Variants in GRB14 observed in about 807,000 individuals in gnomAD.
The protein encoded by GRB14 is growth factor receptor bound protein 14, also known as growth factor receptor-bound protein 14.
Under a neutral mutation model 69.1 loss-of-function variants are expected in GRB14, and 38 were observed. The observed-to-expected ratio is 0.55, with a 90% CI of 0.42 to 0.72. The LOEUF (loss-of-function observed/expected upper bound fraction) is 0.72, where lower values mean the gene tolerates loss of function less well. Among genes scored for constraint, GRB14 ranks in the 30% least tolerant of loss-of-function variants. The pLI is 0.00. For synonymous variants in GRB14, 247 were observed against 241.3 expected (o/e 1.02, Z -0.22); for missense variants, 666 against 666.1 (o/e 1.00, Z 0.00).
chr2:164,598,830 A>G (rs562508377), intron 2 of GRB14, among the ~76,000 whole-genome samples: 18 of 152,296 alleles, frequency 1.2e-4, no homozygotes, highest in African/African-American at 3.8e-4. Context: ...ATGTTCTCCA[A>G]GTTTCCTTCC....
At chr2:164,547,859 TTG>T in intron 2 of GRB14, 43 bp from the exon 3 acceptor site, 1 of 1,429,336 alleles carries the variant, frequency 7.0e-7, no homozygotes, top group Non-Finnish European at 9.6e-7. Flanking sequence ...ATATTCCTGT[TTG>T]TGTTTTTAAT....
chr2:164,496,595 C>T (rs992583544), intron 12 of GRB14, among the ~76,000 whole-genome samples: 3 of 151,376 alleles, frequency 2.0e-5, no homozygotes, highest in Non-Finnish European at 4.4e-5. Context: ...ATACATGTTG[C>T]ATCATACCTA....
Position 164,525,015 on chromosome 2 carries a change from G to C in GRB14, c.667C>G (p.Gln223Glu), listed in dbSNP as rs1201017620. 6.4e-7 allele frequency: 1 copy of C among 1,574,108 alleles called. No homozygotes were observed. Among genetic ancestry groups the C allele is most frequent in the Non-Finnish European group, 8.7e-7 (1 of 1,151,860 alleles). ...AAAATATATTTTACCTGCAAAATCT[G>C]TGTGGGGGATATTTCACCATTGGTT... is the stretch of plus-strand genomic sequence containing the variant. ...TETNGEISPTQILQMFLSSST... is the reference protein window; with the variant it reads ...TETNGEISPTEILQMFLSSST... The change falls in exon 5 of 14, where the codon CAG becomes GAG. Residue 223 changes from glutamine (Q) to glutamate (E), a missense_variant. By Grantham distance (29) the Gln-to-Glu change is conservative. Coordinates refer to ENST00000263915, the MANE Select transcript of GRB14 (RefSeq NM_004490.3).
chr2:164,581,660 G>A (rs904156833), intron 2 of GRB14, among the ~76,000 whole-genome samples: 7 of 152,188 alleles, frequency 4.6e-5, no homozygotes, highest in Admixed American at 1.3e-4. Context: ...CCAAAACTCT[G>A]AGATAAATAT....
At chr2:164,513,331 C>T (rs1326592946) in intron 6 of GRB14, among the ~76,000 whole-genome samples, 1 of 152,024 alleles carries the variant, frequency 6.6e-6, no homozygotes, top group African/African-American at 2.4e-5. Context: ...TGCCCTAATA[C>T]CAGGAAATTA....
intron 6 of GRB14, among the ~76,000 whole-genome samples, chr2:164,510,569 T>C (rs573360275): frequency 6.6e-6 from 1 of 152,250 alleles, no homozygotes; most frequent in African/African-American, 2.4e-5. Flanking sequence ...AGAAATGCCA[T>C]ATGTGACATT....
chr2:164,525,225 A>C, intron 4 of GRB14, 147 bp from the exon 5 acceptor site: 1 of 667,166 alleles, frequency 1.5e-6, no homozygotes, highest in Admixed American at 2.8e-5. Flanking sequence ...CCGTCCTTAG[A>C]CTCTACTCAT....
intron 2 of GRB14, among the ~76,000 whole-genome samples, chr2:164,609,879 C>G (rs1163477396): frequency 6.6e-6 from 1 of 152,186 alleles, no homozygotes. Flanking sequence ...AATATTTCAA[C>G]ACTGGTCAAA....
At chr2:164,494,606 T>C (rs755748861) in intron 12 of GRB14, 82 bp from the exon 13 acceptor site, 80 of 824,262 alleles carry the variant, frequency 9.7e-5, no homozygotes, top group Non-Finnish European at 1.5e-4. Context: ...ATCCAAGAAG[T>C]GTATGCATAA....
chr2:164,541,429 G>A (rs535541100), intron 3 of GRB14, among the ~76,000 whole-genome samples: 58 of 151,666 alleles, frequency 3.8e-4, no homozygotes, highest in Admixed American at 1.8e-3. Context: ...CCAAGATTGC[G>A]CCATTGCACT....
chr2:164,545,624 G>T (rs1314299479), intron 3 of GRB14, among the ~76,000 whole-genome samples: 2 of 152,158 alleles, frequency 1.3e-5, no homozygotes, highest in Non-Finnish European at 2.9e-5. Context: ...TCCAAAATGT[G>T]AGAATAAATT....
At chr2:164,592,891 T>C (rs1314612893) in intron 2 of GRB14, among the ~76,000 whole-genome samples, 1 of 152,212 alleles carries the variant, frequency 6.6e-6, no homozygotes, top group Admixed American at 6.5e-5. Context: ...TCTGCCTCCA[T>C]GCCCTTACCT....
intron 2 of GRB14, among the ~76,000 whole-genome samples, chr2:164,548,802 T>G (rs1688452179): frequency 6.6e-6 from 1 of 152,200 alleles, no homozygotes; most frequent in Non-Finnish European, 1.5e-5. Flanking sequence ...TGCATTTACC[T>G]GATGATTGGT....
rs1373058831 is a variant in GRB14, at chr2:164,573,934, AC to A, written c.325-26119del. The A allele has an allele frequency of 1.5e-5, 24 of 1,612,772 alleles. 1 individual carries two copies. The highest frequency in any genetic ancestry group is 2.0e-5 in the Non-Finnish European group (24 of 1,179,576). ...TGGTTATGGGTAACAATGCAGTCTC[AC>A]CCTATCAGCAAGTGATTGAAAAGAC... On this transcript the variant is annotated intron_variant, in intron 2 of 13. Transcript: ENST00000263915.
intron 2 of GRB14, among the ~76,000 whole-genome samples, chr2:164,555,181 A>G (rs1688646838): frequency 6.6e-6 from 1 of 152,212 alleles, no homozygotes; most frequent in Admixed American, 6.5e-5. Context: ...GCTGACTCCA[A>G]GGAATGGGAT....
rs372841700 is a variant in GRB14 at position 164,493,170 on chromosome 2, C to T, written c.1489G>A (p.Gly497Ser). The T allele has an allele frequency of 1.6e-5, 26 of 1,611,880 alleles. No homozygotes were observed. The highest frequency in any genetic ancestry group is 1.4e-5 in the Non-Finnish European group (17 of 1,179,024). ...HFQIIPVEDD[G>S]EMFHTLDDGH... ...TCATCCAGTGTGTGGAACATTTCAC[C>T]GTCATCTTCTACCTGCAAAAAGAAA... Residue 497 changes from glycine to serine, a missense_variant, in exon 14 of 14, where the codon GGT becomes AGT. Gly to Ser is a moderately conservative substitution (Grantham distance 56). Coordinates refer to ENST00000263915, the MANE Select transcript of GRB14 (RefSeq NM_004490.3).
intron 8 of GRB14, among the ~76,000 whole-genome samples, chr2:164,505,722 T>C (rs140705819): frequency 6.1e-4 from 93 of 152,308 alleles, no homozygotes; most frequent in African/African-American, 2.2e-3. Flanking sequence ...CATCTGAGTG[T>C]ATACAAACAA....
intron 2 of GRB14, among the ~76,000 whole-genome samples, chr2:164,567,052 T>A (rs1369537168): frequency 2.0e-5 from 3 of 152,142 alleles, no homozygotes; most frequent in Non-Finnish European, 4.4e-5. Flanking sequence ...ATAGACTTGA[T>A]AAATGTTAAT....
chr2:164,608,637 G>A (rs1246000586), intron 2 of GRB14, among the ~76,000 whole-genome samples: 3 of 151,722 alleles, frequency 2.0e-5, no homozygotes, highest in Admixed American at 6.6e-5. Context: ...GAGTTCTGGG[G>A]AGTATGATGA....
Sources: allele counts gnomAD v4.1 joint callset (sites outside exome capture counted in the v4.1 genomes callset), GRCh38; gene constraint gnomAD v4.1.1; transcripts MANE v1.5; gene names NCBI Gene and HGNC (gene_info 2026-07-23, HGNC 2026-07-21).